Variants in CIMAP1D observed in about 807,000 individuals in gnomAD.
The protein encoded by CIMAP1D is CIMAP1 family member D.
At chr19:476,667 C>T in the CIMAP1D span, among the ~76,000 whole-genome samples, 1 of 152,116 alleles carries the variant, frequency 6.6e-6, no homozygotes, top group Non-Finnish European at 1.5e-5. Flanking sequence ...TTGAAACTTA[C>T]AGAGCATATT....
chr19:463,768 T>G, the CIMAP1D span: 31,361 of 1,528,140 alleles, frequency 0.021, 401 homozygotes, highest in Non-Finnish European at 0.024. Context: ...TCTCGCCTTC[T>G]AGCCCCTCCA....
At chr19:476,625 T>A in the CIMAP1D span, among the ~76,000 whole-genome samples, 1 of 152,218 alleles carries the variant, frequency 6.6e-6, no homozygotes. Flanking sequence ...ACATAAAGGA[T>A]CATAAAACAA....
the CIMAP1D span, among the ~76,000 whole-genome samples, chr19:481,439 GAAGGATGATGGGGAAGGATGATGGGA>G: frequency 2.3e-5 from 2 of 87,480 alleles, no homozygotes; most frequent in Admixed American, 1.1e-4. Flanking sequence ...GGATGATGGG[GAAGGATGATGGGGAAGGATGATGGGA>G]AGGATGATGG....
chr19:491,274 CA>C, the CIMAP1D span, among the ~76,000 whole-genome samples: 6 of 150,826 alleles, frequency 4.0e-5, no homozygotes, highest in Admixed American at 1.3e-4. Context: ...GACTCCGTCT[CA>C]AAAAAAAAGA....
the CIMAP1D span, chr19:464,481 G>A: frequency 6.9e-4 from 485 of 698,410 alleles, 2 homozygotes; most frequent in African/African-American, 8.2e-3. Flanking sequence ...AGCAGCCTGG[G>A]TGCCTTTCTC....
the CIMAP1D span, among the ~76,000 whole-genome samples, chr19:485,720 C>T: frequency 7.2e-3 from 1,102 of 152,314 alleles, 36 homozygotes; most frequent in East Asian, 0.1. Flanking sequence ...GATGAGGGTG[C>T]GACAGCTGGG....
At chr19:472,638 C>A in the CIMAP1D span, 1 of 546,156 alleles carries the variant, frequency 1.8e-6, no homozygotes. Context: ...GAGCAAGAGG[C>A]TGCTGCCCGT....
chr19:487,438 C>T, the CIMAP1D span, among the ~76,000 whole-genome samples: 449 of 152,290 alleles, frequency 2.9e-3, 2 homozygotes, highest in African/African-American at 0.01. Context: ...TCCTTCGGGC[C>T]GAGGTCAGCC....
the CIMAP1D span, chr19:490,502 C>G: frequency 6.6e-6 from 1 of 152,542 alleles, no homozygotes; most frequent in Non-Finnish European, 1.5e-5. Flanking sequence ...GTTCAGAGCC[C>G]AGTGTGTATT....
chr19:466,426 T>A, the CIMAP1D span, among the ~76,000 whole-genome samples: 1 of 131,364 alleles, frequency 7.6e-6, no homozygotes, highest in Non-Finnish European at 1.6e-5. Flanking sequence ...AGATGGTGGA[T>A]GGATGGGTGG....
At chr19:484,704 G>A in the CIMAP1D span, among the ~76,000 whole-genome samples, 4 of 152,216 alleles carry the variant, frequency 2.6e-5, no homozygotes, top group Non-Finnish European at 2.9e-5. Context: ...CTGGCGAGGC[G>A]GAGGAGCGAG....
the CIMAP1D span, among the ~76,000 whole-genome samples, chr19:486,060 CAG>C: frequency 6.6e-6 from 1 of 152,352 alleles, no homozygotes; most frequent in Admixed American, 6.5e-5. Context: ...CATCCTCATC[CAG>C]AGAGAGCCTG....
At chr19:468,457 G>A in the CIMAP1D span, among the ~76,000 whole-genome samples, 4,511 of 152,248 alleles carry the variant, frequency 0.03, 256 homozygotes, top group East Asian at 0.23. Context: ...ATGCTTAAGA[G>A]GGGGGCTCGG....
chr19:477,810 G>A, the CIMAP1D span, among the ~76,000 whole-genome samples: 1 of 152,148 alleles, frequency 6.6e-6, no homozygotes, highest in Admixed American at 6.5e-5. Flanking sequence ...CTGCAGACAC[G>A]CGCCACGCCA....
At chr19:475,352 C>T in the CIMAP1D span, among the ~76,000 whole-genome samples, 116 of 152,178 alleles carry the variant, frequency 7.6e-4, no homozygotes, top group Non-Finnish European at 1.4e-3. Flanking sequence ...CACGAACAGA[C>T]GGAAAAGAAG....
the CIMAP1D span, among the ~76,000 whole-genome samples, chr19:488,664 C>A: frequency 6.6e-6 from 1 of 152,248 alleles, no homozygotes; most frequent in South Asian, 2.1e-4. Context: ...CCCCGCAGCC[C>A]CTACTCCAGA....
chr19:464,627 G>C, the CIMAP1D span, among the ~76,000 whole-genome samples: 1 of 152,166 alleles, frequency 6.6e-6, no homozygotes. Context: ...CCAGGGTAGA[G>C]CCCTCACAGC....
chr19:481,337 AGAAGGATGATGG>A, the CIMAP1D span, among the ~76,000 whole-genome samples: 5 of 72,150 alleles, frequency 6.9e-5, no homozygotes, highest in Non-Finnish European at 1.1e-4. Flanking sequence ...AGGATGATGG[AGAAGGATGATGG>A]GAAGGATGAT....
the CIMAP1D span, chr19:474,660 C>T: frequency 1.5e-5 from 24 of 1,583,138 alleles, no homozygotes; most frequent in African/African-American, 1.4e-4. Context: ...TTCCTCAGGC[C>T]GGTCTCCGGA....
Sources: allele counts gnomAD v4.1 joint callset (sites outside exome capture counted in the v4.1 genomes callset), GRCh38; gene constraint gnomAD v4.1.1; transcripts MANE v1.5; gene names NCBI Gene and HGNC (gene_info 2026-07-23, HGNC 2026-07-21).